The following MTREX variants were observed in gnomAD, a reference collection of about 807,000 sequenced individuals.
MTREX encodes the protein exosome RNA helicase MTR4.
A neutral mutation model predicts 135.4 loss-of-function variants in MTREX; 76 were observed. The observed-to-expected ratio is 0.56, with a 90% CI of 0.47 to 0.68. The LOEUF (loss-of-function observed/expected upper bound fraction) is 0.68, where lower values mean the gene tolerates loss of function less well. Among genes scored for constraint, MTREX ranks in the 30% least tolerant of loss-of-function variants. The pLI, the probability that MTREX is intolerant of heterozygous loss-of-function variation, is 0.00. For synonymous variants in MTREX, 404 were observed against 401.6 expected, an observed-to-expected ratio of 1.01 and a Z score of -0.07; for missense variants, 920 against 1,262.1, an observed-to-expected ratio of 0.73 and a Z score of 4.11.
chr5:55,405,053 T>C (rs1047229247), intron 21 of MTREX, among the ~76,000 whole-genome samples: 1 of 152,022 alleles, frequency 6.6e-6, no homozygotes, highest in Admixed American at 6.6e-5. Context: ...CACCTCAGCC[T>C]CCCAAAGTGC....
intron 1 of MTREX, 79 bp from the exon 2 acceptor site, chr5:55,322,248 A>G (rs2112031347): frequency 1.6e-6 from 2 of 1,233,150 alleles, no homozygotes; most frequent in South Asian, 1.7e-5. Flanking sequence ...TGTTAATGGT[A>G]TAGAGCAGTA....
At chr5:55,416,156 A>G (rs751582586) in intron 25 of MTREX, 24 bp downstream of exon 25, 11 of 1,468,704 alleles carry the variant, frequency 7.5e-6, no homozygotes, top group Non-Finnish European at 9.3e-6. Flanking sequence ...TTACACATAT[A>G]TATTTACAGT....
Position 55,425,130 on chromosome 5 carries a change from G to A in MTREX, c.*358G>A. On this transcript the variant is annotated 3_prime_UTR_variant, in exon 27 of 27. Transcript: ENST00000230640. ...TAAAGGCTTGTACACCAGGAAGAAA[G>A]ATGCATCCTCTTGCCTTGTGGCAAT... 3 of 1,513,454 alleles carry A rather than the reference G, an allele frequency of 2.0e-6. No individual in the cohort carries two copies. The highest frequency in any genetic ancestry group is 2.7e-6 in the Non-Finnish European group (3 of 1,120,772). 93.8% of individuals were successfully genotyped at this position (1,513,454 alleles called of 1,614,324 possible). A position where few individuals can be genotyped will look rare whatever the true frequency, so the allele number is the denominator to read the frequency against.
intron 5 of MTREX, among the ~76,000 whole-genome samples, chr5:55,334,242 A>C (rs1425633526): frequency 6.6e-6 from 1 of 152,108 alleles, no homozygotes; most frequent in Non-Finnish European, 1.5e-5. Flanking sequence ...CTAGAATTAG[A>C]TGGAGGTACT....
At chr5:55,363,021 C>T (rs1366516639) in intron 15 of MTREX, among the ~76,000 whole-genome samples, 2 of 152,170 alleles carry the variant, frequency 1.3e-5, no homozygotes, top group Admixed American at 6.5e-5. Context: ...ATAAAGTGCT[C>T]ATTTCAATAG....
chr5:55,401,031 C>CGTG (rs1561209079), intron 21 of MTREX, among the ~76,000 whole-genome samples: 3 of 152,042 alleles, frequency 2.0e-5, no homozygotes, highest in Non-Finnish European at 4.4e-5. Flanking sequence ...GTGCGTGCGT[C>CGTG]CGTGCATGCG....
chr5:55,381,105 TG>T (rs1750390650), intron 18 of MTREX, among the ~76,000 whole-genome samples: 1 of 152,180 alleles, frequency 6.6e-6, no homozygotes, highest in Non-Finnish European at 1.5e-5. Context: ...TATTTTTGTA[TG>T]GTCATTAGTA....
intron 15 of MTREX, among the ~76,000 whole-genome samples, chr5:55,364,631 C>T (rs1013223536): frequency 6.6e-6 from 1 of 152,092 alleles, no homozygotes; most frequent in Non-Finnish European, 1.5e-5. Flanking sequence ...AGAACAGTTA[C>T]GATGGTAGTT....
At chr5:55,398,225 G>T (rs891608579) in intron 20 of MTREX, among the ~76,000 whole-genome samples, 6 of 149,188 alleles carry the variant, frequency 4.0e-5, no homozygotes, top group African/African-American at 1.5e-4. Flanking sequence ...GTGCAACAGA[G>T]TGAGAACTTG....
chr5:55,402,243 A>G (rs749803512), intron 21 of MTREX, among the ~76,000 whole-genome samples: 6 of 152,222 alleles, frequency 3.9e-5, no homozygotes, highest in Non-Finnish European at 8.8e-5. Context: ...CTAGGCAGGA[A>G]GCTTGCCAGG....
chr5:55,374,694 G>A (rs1750265249), intron 16 of MTREX, among the ~76,000 whole-genome samples: 1 of 152,048 alleles, frequency 6.6e-6, no homozygotes, highest in South Asian at 2.1e-4. Flanking sequence ...AACTACAAAT[G>A]CTAAAAAGAG....
chr5:55,392,193 A>T (rs1452693357), intron 19 of MTREX, among the ~76,000 whole-genome samples: 2 of 152,114 alleles, frequency 1.3e-5, no homozygotes, highest in African/African-American at 4.8e-5. Flanking sequence ...CTGCTTGGTT[A>T]GTTTAATGGT....
Position 55,392,045 on chromosome 5 carries a change from A to G in MTREX, c.2181+3943A>G, listed in dbSNP as rs145690576. ...CAAGCGGGCCCCAGTTTGGTTCTCT[A>G]ACAGTAGCAACTCTGTAAATCGGAA... On this transcript the variant is annotated intron_variant, in intron 19 of 26. Coordinates refer to ENST00000230640, the MANE Select transcript of MTREX (RefSeq NM_015360.5). 6.3e-3 allele frequency among the ~76,000 whole-genome samples: 964 copies of G among 152,244 alleles called. 15 individuals are homozygous for G. Among genetic ancestry groups the G allele is most frequent in the African/African-American group, 0.021 (858 of 41,554 alleles).
intron 14 of MTREX, among the ~76,000 whole-genome samples, chr5:55,358,157 T>G (rs1437359002): frequency 6.6e-6 from 1 of 152,164 alleles, no homozygotes; most frequent in Non-Finnish European, 1.5e-5. Flanking sequence ...TTCCAGAATA[T>G]CCAGCTCAAA....
At chr5:55,338,096 TTG>T (rs1014077907) in intron 5 of MTREX, among the ~76,000 whole-genome samples, 6 of 152,180 alleles carry the variant, frequency 3.9e-5, no homozygotes, top group Non-Finnish European at 7.4e-5. Flanking sequence ...TTGCTTTAAA[TTG>T]TGTTTTCTAA....
chr5:55,308,264 T>A, intron 1 of MTREX, 117 bp downstream of exon 1: 1 of 1,261,294 alleles, frequency 7.9e-7, no homozygotes, highest in Non-Finnish European at 1.1e-6. Context: ...GCGTTGGAAG[T>A]GAAGGGGTTC....
chr5:55,419,950 G>A lies in MTREX; in HGVS notation c.2972-2928G>A, dbSNP rs143275753. On this transcript the variant is annotated intron_variant, in intron 25 of 26. Coordinates refer to ENST00000230640, the MANE Select transcript of MTREX (RefSeq NM_015360.5). Reference sequence around the variant, plus strand: ...CAGTGTCATGAGTGGTTTTCCAGTGGATTTGTCTTTTAAAAGTATTCTTGC... The same window carrying A: ...CAGTGTCATGAGTGGTTTTCCAGTGAATTTGTCTTTTAAAAGTATTCTTGC... Among the ~76,000 whole-genome samples the A allele has an allele frequency of 3.9e-4, 59 of 152,192 alleles. 2 individuals carry two copies. The East Asian group carries it at 0.011, about 29-fold the overall frequency.
At chr5:55,397,868 A>G (rs997811865) in intron 20 of MTREX, among the ~76,000 whole-genome samples, 3 of 152,238 alleles carry the variant, frequency 2.0e-5, no homozygotes, top group African/African-American at 7.2e-5. Flanking sequence ...TATAGTTAAT[A>G]AATACATGAA....
At chr5:55,421,224 C>G (rs1042365540) in intron 25 of MTREX, among the ~76,000 whole-genome samples, 1 of 152,188 alleles carries the variant, frequency 6.6e-6, no homozygotes, top group African/African-American at 2.4e-5. Flanking sequence ...CCTTGGATTA[C>G]AGAGAACTGT....
Sources: allele counts gnomAD v4.1 joint callset (sites outside exome capture counted in the v4.1 genomes callset), GRCh38; gene constraint gnomAD v4.1.1; transcripts MANE v1.5; gene names NCBI Gene and HGNC (gene_info 2026-07-23, HGNC 2026-07-21).